Variants in RPTOR observed in about 807,000 individuals in gnomAD.
RPTOR encodes regulatory-associated protein of mTOR.
Under a neutral mutation model 169.9 loss-of-function variants are expected in RPTOR, and 21 were observed. The observed-to-expected ratio is 0.12, with a 90% CI of 0.09 to 0.18. The LOEUF (loss-of-function observed/expected upper bound fraction) is 0.18. Among genes scored for constraint, RPTOR ranks in the 10% least tolerant of loss-of-function variants. The pLI, the probability that RPTOR is intolerant of heterozygous loss-of-function variation, is 1.00. For missense variants in RPTOR, 1,133 were observed against 1,855.9 expected, an observed-to-expected ratio of 0.61 and a Z score of 7.16; for synonymous variants, 732 against 753.2, an observed-to-expected ratio of 0.97 and a Z score of 0.46.
chr17:80,838,257 GACTC>G, intron 10 of RPTOR, among the ~76,000 whole-genome samples: 1 of 152,316 alleles, frequency 6.6e-6, no homozygotes, highest in South Asian at 2.1e-4. Context: ...TCTTAATGCG[GACTC>G]ACTCCCTGTG....
At chr17:80,780,140 C>T (rs538340178) in intron 6 of RPTOR, among the ~76,000 whole-genome samples, 4 of 152,282 alleles carry the variant, frequency 2.6e-5, no homozygotes, top group African/African-American at 4.8e-5. Context: ...CACAGACACA[C>T]GGCCCATAAA....
chr17:80,880,865 G>T (rs1035331915), intron 14 of RPTOR, among the ~76,000 whole-genome samples: 6 of 152,296 alleles, frequency 3.9e-5, no homozygotes, highest in Middle Eastern at 3.4e-3. Flanking sequence ...TCAGGCGCCT[G>T]GGAAGGTCTT....
chr17:80,705,729 TCTGA>T (rs1160668540), intron 3 of RPTOR, among the ~76,000 whole-genome samples: 2 of 152,194 alleles, frequency 1.3e-5, no homozygotes, highest in African/African-American at 4.8e-5. Context: ...AGACGAGGGA[TCTGA>T]CTATGTTGCC....
rs935618720 is a variant in RPTOR, at chr17:80,959,495, C to T, written c.3478-583C>T. ...GAGTGCACAACCCAGCACCGCCCAT[C>T]GTGCGTGGAAAGCGCTCTCCCTCTC... is the stretch of plus-strand genomic sequence containing the variant. On this transcript the variant is annotated intron_variant, in intron 29 of 33. Coordinates refer to ENST00000306801, the MANE Select transcript of RPTOR (RefSeq NM_020761.3). This position sits in a 1 kb window ranked among gnomAD's most constrained non-coding sequence, Gnocchi z 6.7. 1.3e-5 allele frequency among the ~76,000 whole-genome samples: 2 copies of T among 152,188 alleles called. No homozygotes were observed. Among genetic ancestry groups the T allele is most frequent in the African/African-American group, 4.8e-5 (2 of 41,446 alleles).
chr17:80,794,409 G>A (rs1003304421), intron 7 of RPTOR, among the ~76,000 whole-genome samples: 3 of 152,192 alleles, frequency 2.0e-5, no homozygotes, highest in Admixed American at 6.5e-5. Flanking sequence ...CTATTAGAAC[G>A]GATGACATTT....
chr17:80,787,553 AT>A (rs1245816005), intron 6 of RPTOR, among the ~76,000 whole-genome samples: 1 of 152,252 alleles, frequency 6.6e-6, no homozygotes, highest in Admixed American at 6.5e-5. Context: ...GAGTTGCCGG[AT>A]CATAGTGTAT....
intron 7 of RPTOR, among the ~76,000 whole-genome samples, chr17:80,811,459 AT>A (rs1261235388): frequency 2.0e-5 from 3 of 152,192 alleles, no homozygotes; most frequent in Admixed American, 2.0e-4. Context: ...CCTTGGATAG[AT>A]TGCGGGATTT....
chr17:80,961,170 A>G (rs554932848), intron 30 of RPTOR, among the ~76,000 whole-genome samples: 3 of 152,350 alleles, frequency 2.0e-5, no homozygotes, highest in African/African-American at 7.2e-5. Flanking sequence ...CCTAGGGCCC[A>G]GCCCTGAGCC....
intron 24 of RPTOR, among the ~76,000 whole-genome samples, chr17:80,928,983 G>A (rs191237391): frequency 1.4e-4 from 21 of 152,294 alleles, no homozygotes; most frequent in Admixed American, 5.2e-4. Context: ...GGGTATACCT[G>A]CAAAGCCAGC....
chr17:80,642,514 A>G (rs1327256012), intron 2 of RPTOR, among the ~76,000 whole-genome samples: 1 of 152,182 alleles, frequency 6.6e-6, no homozygotes, highest in Non-Finnish European at 1.5e-5. Context: ...TGGGGAATGA[A>G]ATATACAAGA....
intron 5 of RPTOR, 28 bp from the exon 6 acceptor site, chr17:80,753,982 C>G (rs1255768291): frequency 6.3e-7 from 1 of 1,599,174 alleles, no homozygotes; most frequent in Non-Finnish European, 8.6e-7. Flanking sequence ...AAATCACACT[C>G]TCTTTTCCCG....
chr17:80,928,275 AGGT>A (rs2068836302), intron 24 of RPTOR, among the ~76,000 whole-genome samples: 1 of 152,150 alleles, frequency 6.6e-6, no homozygotes. Flanking sequence ...TACTTTTTCT[AGGT>A]GGTATTCATA....
At chr17:80,725,402 A>G (rs2066323358) in intron 4 of RPTOR, among the ~76,000 whole-genome samples, 1 of 152,254 alleles carries the variant, frequency 6.6e-6, no homozygotes, top group South Asian at 2.1e-4. Flanking sequence ...TTGGAGAAAA[A>G]GAAGAGACGC....
intron 20 of RPTOR, among the ~76,000 whole-genome samples, chr17:80,903,148 C>T (rs915097077): frequency 4.6e-5 from 7 of 152,194 alleles, no homozygotes; most frequent in Admixed American, 1.3e-4. Context: ...CACAGCCCTG[C>T]GGAGCCTGGA....
rs981175770 is a variant in RPTOR at position 80,562,658 on chromosome 17, C to T, written c.162+16867C>T. On this transcript the variant is annotated intron_variant, in intron 1 of 33. Coordinates refer to ENST00000306801, the MANE Select transcript of RPTOR (RefSeq NM_020761.3). The surrounding 1 kb of genome is among the most constrained non-coding windows in gnomAD (Gnocchi z 4.4). ...AATTATCTGGGTGTGGTGACGCACA[C>T]CTGTAATCCCAGCTACTAAGGAGGC... 1.8e-4 allele frequency among the ~76,000 whole-genome samples: 27 copies of T among 152,118 alleles called. No individual in the cohort carries two copies. Among genetic ancestry groups the T allele is most frequent in the Non-Finnish European group, 2.9e-5 (2 of 68,026 alleles).
chr17:80,840,652 TCACCACACCACAGCTCA>T (rs2067627285), intron 10 of RPTOR, among the ~76,000 whole-genome samples: 2 of 42,668 alleles, frequency 4.7e-5, no homozygotes, highest in Non-Finnish European at 6.8e-5. Context: ...CAGCTCACTC[TCACCACACCACAGCTCA>T]CTCTCACCAC....
chr17:80,938,994 CAT>C (rs1327919702), intron 24 of RPTOR, among the ~76,000 whole-genome samples: 1 of 152,246 alleles, frequency 6.6e-6, no homozygotes, highest in Non-Finnish European at 1.5e-5. Flanking sequence ...GGCCATGCGC[CAT>C]AGTCTTTATT....
chr17:80,611,238 GA>G (rs2065268626), intron 1 of RPTOR, among the ~76,000 whole-genome samples: 1 of 152,070 alleles, frequency 6.6e-6, no homozygotes, highest in African/African-American at 2.4e-5. Flanking sequence ...TGAATCATTT[GA>G]AAGTAAGTAG....
chr17:80,802,303 G>T (rs116234138), intron 7 of RPTOR: 14,157 of 152,298 alleles, frequency 0.093, 913 homozygotes, highest in South Asian at 0.12. Context: ...GCATCCTAAA[G>T]AAAACGTGGG....
Sources: gnomAD v4.1 joint callset for allele counts (sites outside exome capture counted in the v4.1 genomes callset) on GRCh38, gnomAD v4.1.1 for gene constraint, Gnocchi (gnomAD v3.1) non-coding constraint, MANE v1.5 for transcripts, NCBI Gene and HGNC (gene_info 2026-07-23, HGNC 2026-07-21) for gene names.